Variants in CACNA1C observed in about 807,000 individuals in gnomAD.
CACNA1C encodes voltage-dependent L-type calcium channel subunit alpha-1C.
Under a neutral mutation model 229.0 loss-of-function variants are expected in CACNA1C, and 30 were observed. The observed-to-expected ratio is 0.13, with a 90% CI of 0.10 to 0.18. The LOEUF (loss-of-function observed/expected upper bound fraction) is 0.18. Ranked by LOEUF, CACNA1C falls within the 10% of genes least tolerant of loss-of-function variation. The pLI, the probability that CACNA1C is intolerant of heterozygous loss-of-function variation, is 1.00. For synonymous variants in CACNA1C, 1,114 were observed against 1,132.5 expected (o/e 0.98, Z 0.33); for missense variants, 1,658 against 2,845.0 (o/e 0.58, Z 9.49).
chr12:2,673,462 G>A (rs866643403), intron 38 of CACNA1C, among the ~76,000 whole-genome samples: 68 of 120,962 alleles, frequency 5.6e-4, no homozygotes, highest in South Asian at 2.0e-3. Context: ...GCAAACTTCC[G>A]TCTAAAAAAA....
rs995797067 is a variant in CACNA1C at position 2,644,194 on chromosome 12, G to C, written c.3913-4281G>C. 7.2e-5 allele frequency among the ~76,000 whole-genome samples: 11 copies of C among 152,222 alleles called. 1 individual carries two copies. Among genetic ancestry groups the C allele is most frequent in the Admixed American group, 7.2e-4 (11 of 15,286 alleles). The stretch of plus-strand genomic sequence containing the variant: ...GAATCTTAGTGACACTGAGGTCATA[G>C]CATTGTCTCAATGGCAGCCATTGGA... On this transcript the variant is annotated intron_variant, in intron 30 of 46. Coordinates refer to ENST00000399655, the MANE Select transcript of CACNA1C (RefSeq NM_000719.7).
In CACNA1C at chr12:2,225,462, T is replaced by C. The variant is rs139868463; in HGVS notation, c.477+105032T>C. 1.0e-2 allele frequency among the ~76,000 whole-genome samples: 1,517 copies of C among 152,308 alleles called. 19 individuals carry two copies. Among genetic ancestry groups the C allele is most frequent in the Middle Eastern group, 0.017 (5 of 294 alleles). On this transcript the variant is annotated intron_variant, in intron 3 of 46. Coordinates refer to ENST00000399655, the MANE Select transcript of CACNA1C (RefSeq NM_000719.7). ...GAAATAGTTATCAAAAATACATAGA[T>C]AAAATTATCAGAAATTTCTCAACTT...
At chr12:2,270,026 A>T (rs925605081) in intron 3 of CACNA1C, 1 of 152,152 alleles carries the variant, frequency 6.6e-6, no homozygotes, top group Admixed American at 6.5e-5. Context: ...TGGCCAAACC[A>T]ACCTGAAGCT....
chr12:2,533,480 G>A (rs1355022878), intron 9 of CACNA1C, among the ~76,000 whole-genome samples: 1 of 152,208 alleles, frequency 6.6e-6, no homozygotes, highest in African/African-American at 2.4e-5. Context: ...AATTTGGGGT[G>A]TGTGCCCCAG....
chr12:2,256,368 A>G (rs563861332), intron 3 of CACNA1C, among the ~76,000 whole-genome samples: 1 of 152,368 alleles, frequency 6.6e-6, no homozygotes, highest in Admixed American at 6.5e-5. Flanking sequence ...TGTTTTGCTA[A>G]GTCTAGCCTG....
rs941396498 is a variant in CACNA1C at position 2,695,795 on chromosome 12, T to C, written c.*4596T>C. 4 of 152,212 alleles carry C rather than the reference T, an allele frequency of 2.6e-5. No homozygotes were observed. The highest frequency in any genetic ancestry group is 9.7e-5 in the African/African-American group (4 of 41,448). 9.4% of individuals were successfully genotyped at this position (152,212 alleles called of 1,614,324 possible). On this transcript the variant is annotated 3_prime_UTR_variant, in exon 47 of 47. Coordinates refer to ENST00000399655, the MANE Select transcript of CACNA1C (RefSeq NM_000719.7). ...CTTCATTCATCAATTTATTCTTATGTCAAAGCAATGAAACTTTTCTTTCTG... is the reference window on the plus strand; with the variant it reads ...CTTCATTCATCAATTTATTCTTATGCCAAAGCAATGAAACTTTTCTTTCTG...
chr12:2,194,816 A>G (rs2097353377), intron 3 of CACNA1C, among the ~76,000 whole-genome samples: 1 of 152,146 alleles, frequency 6.6e-6, no homozygotes, highest in Non-Finnish European at 1.5e-5. Context: ...GCCTCAGAGG[A>G]GCACAGTGTT....
At chr12:2,199,024 A>G (rs549809046) in intron 3 of CACNA1C, among the ~76,000 whole-genome samples, 2 of 152,300 alleles carry the variant, frequency 1.3e-5, no homozygotes, top group East Asian at 3.9e-4. Context: ...TTTGAGATAC[A>G]TCGAGTGGCT....
chr12:2,408,230 G>A lies in CACNA1C; in HGVS notation c.478-40746G>A, dbSNP rs60430978. ...CAAAGAGTAGAATTGTAGTTTCCAG[G>A]GATTGGAGGGAAGGGATCATGGGGA... On this transcript the variant is annotated intron_variant, in intron 3 of 46. Transcript: ENST00000399655. Among the ~76,000 whole-genome samples the A allele has an allele frequency of 9.8e-3, 1,499 of 152,304 alleles. 23 individuals are homozygous for A. The highest frequency in any genetic ancestry group is 0.035 in the African/African-American group (1,449 of 41,556).
chr12:2,549,367 G>T (rs1161517145), intron 9 of CACNA1C, among the ~76,000 whole-genome samples: 1 of 152,164 alleles, frequency 6.6e-6, no homozygotes, highest in African/African-American at 2.4e-5. Context: ...TCTGGGGATG[G>T]CCATTCCCCT....
In CACNA1C at chr12:2,285,945, A is replaced by G. The variant is rs879795681; in HGVS notation, c.478-163031A>G. On this transcript the variant is annotated intron_variant, in intron 3 of 46. Transcript: ENST00000399655. This position sits in a 1 kb window ranked among gnomAD's most constrained non-coding sequence, Gnocchi z 4.2. Reference sequence around the variant, plus strand: ...GGCCATTTCGTTTAGGCGAGCCCTCATGTTATAGTCAGGGAGTTTGAGGCC... The same window carrying G: ...GGCCATTTCGTTTAGGCGAGCCCTCGTGTTATAGTCAGGGAGTTTGAGGCC... Among the ~76,000 whole-genome samples, 15 of 152,212 alleles carry G rather than the reference A, an allele frequency of 9.9e-5. No homozygotes were observed. The East Asian group carries it at 2.3e-3, about 23-fold the overall frequency.
At chr12:2,503,468 G>A (rs1315980202) in intron 7 of CACNA1C, among the ~76,000 whole-genome samples, 1 of 152,218 alleles carries the variant, frequency 6.6e-6, no homozygotes, top group African/African-American at 2.4e-5. Context: ...TGGAAGCACA[G>A]CTCTGCAATT....
rs1453822767 is a variant in CACNA1C at position 2,593,302 on chromosome 12, A to G, written c.2620A>G (p.Met874Val). The change falls in exon 19 of 47, where the codon ATG (methionine) becomes GTG (valine). Residue 874 changes from methionine to valine, a missense_variant. Transcript: ENST00000399655. ...TCACCTTAAGGAAAAGGCAGTGCCC[A>G]TGCCAGAAGCCAGCGCGTTTTTCAT... Reference protein sequence around the residue: ...ELHLKEKAVPMPEASAFFIFS... With the variant: ...ELHLKEKAVPVPEASAFFIFS... 2.5e-6 allele frequency: 4 copies of G among 1,613,790 alleles called. No homozygotes were observed. Among genetic ancestry groups the G allele is most frequent in the African/African-American group, 1.3e-5 (1 of 74,932 alleles).
intron 1 of CACNA1C, among the ~76,000 whole-genome samples, chr12:1,975,983 C>T (rs2034225215): frequency 6.6e-6 from 1 of 152,132 alleles, no homozygotes; most frequent in Non-Finnish European, 1.5e-5. Flanking sequence ...AAGGAACTAT[C>T]TGGTGTCACA....
chr12:2,545,422 T>A (rs2099879399), intron 9 of CACNA1C, among the ~76,000 whole-genome samples: 1 of 152,102 alleles, frequency 6.6e-6, no homozygotes, highest in Admixed American at 6.5e-5. Context: ...GCTCCTCATC[T>A]TCTTCATTAT....
chr12:1,981,070 C>T (rs2035986296), intron 1 of CACNA1C, among the ~76,000 whole-genome samples: 1 of 152,100 alleles, frequency 6.6e-6, no homozygotes, highest in African/African-American at 2.4e-5. Context: ...ATATCTCTTC[C>T]TTGAACTATT....
rs2097852027 is a variant in CACNA1C at position 2,697,685 on chromosome 12, A to C, written c.*6486A>C. On this transcript the variant is annotated 3_prime_UTR_variant, in exon 47 of 47. Coordinates refer to ENST00000399655, the MANE Select transcript of CACNA1C (RefSeq NM_000719.7). ...CCAGGCTCCACGACTTCACAGTCTT[A>C]CTGTTGTAAATATCATTGTACAGTT... The C allele has an allele frequency of 6.6e-6, 1 of 151,738 alleles. No individual in the cohort carries two copies. Among genetic ancestry groups the C allele is most frequent in the African/African-American group, 2.4e-5 (1 of 41,236 alleles). 9.4% of individuals were successfully genotyped at this position (151,738 alleles called of 1,614,324 possible).
At chr12:2,613,639 T>G (rs1238131821) in intron 29 of CACNA1C, 2 of 152,242 alleles carry the variant, frequency 1.3e-5, no homozygotes. Flanking sequence ...TTTTTCACCT[T>G]CCTGTACAAG....
intron 29 of CACNA1C, among the ~76,000 whole-genome samples, chr12:2,616,550 C>A (rs1048051321): frequency 2.6e-5 from 4 of 152,254 alleles, no homozygotes; most frequent in African/African-American, 9.6e-5. Context: ...TGAGCTGGCC[C>A]TAAGAAGGCA....
Sources: gnomAD v4.1 joint callset for allele counts (sites outside exome capture counted in the v4.1 genomes callset) on GRCh38, gnomAD v4.1.1 for gene constraint, Gnocchi (gnomAD v3.1) non-coding constraint, MANE v1.5 for transcripts, NCBI Gene and HGNC (gene_info 2026-07-23, HGNC 2026-07-21) for gene names.